The following BCAS1 variants were observed in gnomAD, a reference collection of about 807,000 sequenced individuals.
BCAS1 encodes the protein breast carcinoma-amplified sequence 1.
Under a neutral mutation model 65.4 loss-of-function variants are expected in BCAS1, and 46 were observed. That is an observed-to-expected ratio of 0.70 (90% CI 0.55 to 0.90). The LOEUF is 0.90. Among genes scored for constraint, BCAS1 ranks in the 40% least tolerant of loss-of-function variants. The pLI is 0.00. For missense variants in BCAS1, 793 were observed against 771.2 expected (o/e 1.03, Z -0.33); for synonymous variants, 298 against 293.5 (o/e 1.02, Z -0.16).
intron 9 of BCAS1, among the ~76,000 whole-genome samples, chr20:53,973,331 T>A (rs1228345770): frequency 1.2e-4 from 18 of 152,040 alleles, no homozygotes; most frequent in Non-Finnish European, 5.9e-5. Context: ...AGGCAATTTT[T>A]ATAATGCTTC....
chr20:53,973,923 G>A (rs945804502), intron 9 of BCAS1, among the ~76,000 whole-genome samples: 1 of 152,218 alleles, frequency 6.6e-6, no homozygotes, highest in African/African-American at 2.4e-5. Flanking sequence ...TGTCTAGCTA[G>A]AGAATTGTAA....
rs58378840 is a variant in BCAS1 at position 54,034,924 on chromosome 20, T to C, written c.143-5952A>G. 1.2e-3 allele frequency among the ~76,000 whole-genome samples: 179 copies of C among 151,316 alleles called. 4 individuals are homozygous for C. The East Asian group carries it at 0.03, about 25-fold the overall frequency. ...AGTAACCAAAACAGCATACTACTGG[T>C]ACAAAAACAGACACATAGACCAATG... On this transcript the variant is annotated intron_variant, in intron 3 of 12. Transcript: ENST00000688948.
chr20:54,070,234 A>AT (rs2092499188), intron 1 of BCAS1, among the ~76,000 whole-genome samples, 199 bp downstream of exon 1: 1 of 152,198 alleles, frequency 6.6e-6, no homozygotes, highest in Admixed American at 6.5e-5. Flanking sequence ...TAAAACTAAA[A>AT]ACTTTGAGAT....
intron 3 of BCAS1, among the ~76,000 whole-genome samples, chr20:54,030,537 G>T (rs1483386490): frequency 7.0e-6 from 1 of 141,866 alleles, no homozygotes; most frequent in Non-Finnish European, 1.6e-5. Context: ...GAAAAATAAA[G>T]GGAAGAATTG....
chr20:53,991,389 A>T (rs1251141455), intron 7 of BCAS1, among the ~76,000 whole-genome samples: 1 of 152,252 alleles, frequency 6.6e-6, no homozygotes, highest in Non-Finnish European at 1.5e-5. Flanking sequence ...ACGCAAATAC[A>T]GATTCAGCTG....
chr20:53,985,157 A>G (rs2090580031), intron 8 of BCAS1, 130 bp downstream of exon 8: 2 of 860,386 alleles, frequency 2.3e-6, no homozygotes, highest in Non-Finnish European at 3.7e-6. Context: ...ACTCAATGGG[A>G]AGCCGAGTCA....
chr20:54,052,066 T>C (rs1341828813), intron 3 of BCAS1, among the ~76,000 whole-genome samples: 1 of 152,210 alleles, frequency 6.6e-6, no homozygotes, highest in Non-Finnish European at 1.5e-5. Context: ...AAAAACTTCA[T>C]TGTACCTTAA....
At chr20:54,000,170 C>A (rs1600830120) in intron 4 of BCAS1, among the ~76,000 whole-genome samples, 1 of 152,184 alleles carries the variant, frequency 6.6e-6, no homozygotes, top group South Asian at 2.1e-4. Flanking sequence ...GGCTCCTCTT[C>A]CCCCTAAGGA....
chr20:53,975,275 C>G, intron 9 of BCAS1, 114 bp downstream of exon 9: 1 of 859,134 alleles, frequency 1.2e-6, no homozygotes, highest in Non-Finnish European at 1.9e-6. Context: ...CTACAACAAA[C>G]GAATCACACT....
chr20:54,040,365 CTTCAGTTGTTAGGA>C (rs1378340474), intron 3 of BCAS1, among the ~76,000 whole-genome samples: 2 of 151,226 alleles, frequency 1.3e-5, no homozygotes, highest in Non-Finnish European at 1.5e-5. Context: ...CTATCAGTGG[CTTCAGTTGTTAGGA>C]CACCACGGGT....
chr20:53,957,001 A>G (rs904936296), intron 11 of BCAS1, among the ~76,000 whole-genome samples: 1 of 152,224 alleles, frequency 6.6e-6, no homozygotes, highest in Non-Finnish European at 1.5e-5. Context: ...GAGAAATAGA[A>G]GAAGGAGACT....
intron 4 of BCAS1, among the ~76,000 whole-genome samples, chr20:54,006,027 T>C (rs139866558): frequency 0.018 from 2,803 of 152,216 alleles, 43 homozygotes; most frequent in Middle Eastern, 0.048. Flanking sequence ...TGGAAGGTGT[T>C]TGGGCTCAGG....
intron 8 of BCAS1, among the ~76,000 whole-genome samples, chr20:53,984,149 T>C (rs2090553840): frequency 6.6e-6 from 1 of 152,224 alleles, no homozygotes; most frequent in African/African-American, 2.4e-5. Context: ...TATGAATACA[T>C]GGTAATTATT....
intron 3 of BCAS1, among the ~76,000 whole-genome samples, chr20:54,054,459 A>G (rs1391194817): frequency 6.6e-6 from 1 of 152,204 alleles, no homozygotes; most frequent in African/African-American, 2.4e-5. Flanking sequence ...CTGAAGGACA[A>G]GAAAGGGTCA....
chr20:54,038,365 C>A (rs1435320724), intron 3 of BCAS1, among the ~76,000 whole-genome samples: 3 of 151,326 alleles, frequency 2.0e-5, no homozygotes, highest in African/African-American at 7.3e-5. Context: ...TCACTTGTTT[C>A]CTCTCCACGA....
rs777283721 is a variant in BCAS1, at chr20:54,058,165, G to A, written c.73-11C>T. 1.2e-5 allele frequency: 19 copies of A among 1,613,162 alleles called. No individual in the cohort carries two copies. In the African/African-American group the frequency reaches 2.3e-4, roughly 19 times the overall value. ...AGCAGACGCGTTGTCCTGAAACAGA[G>A]CACGTGGCATTGTGAGACAAATCTT... is the stretch of plus-strand genomic sequence containing the variant. On this transcript the variant is annotated splice_polypyrimidine_tract_variant and intron_variant, in intron 2 of 12. Transcript: ENST00000688948.
intron 4 of BCAS1, among the ~76,000 whole-genome samples, chr20:54,020,158 G>A (rs772080870): frequency 6.6e-6 from 1 of 152,092 alleles, no homozygotes; most frequent in African/African-American, 2.4e-5. Context: ...TGTGGGCATC[G>A]GTGACCAATT....
intron 6 of BCAS1, among the ~76,000 whole-genome samples, chr20:53,994,037 A>T (rs1295929353): frequency 2.0e-5 from 3 of 152,204 alleles, no homozygotes; most frequent in African/African-American, 4.8e-5. Flanking sequence ...TTGGGTTCAG[A>T]CAGATTAAGA....
chr20:54,054,239 T>C (rs1384028420), intron 3 of BCAS1, among the ~76,000 whole-genome samples: 1 of 152,150 alleles, frequency 6.6e-6, no homozygotes, highest in Non-Finnish European at 1.5e-5. Context: ...GAGATTTGGG[T>C]GGGGACAGAG....
Sources: gnomAD v4.1 joint callset for allele counts (sites outside exome capture counted in the v4.1 genomes callset) on GRCh38, gnomAD v4.1.1 for gene constraint, MANE v1.5 for transcripts, NCBI Gene and HGNC (gene_info 2026-07-23, HGNC 2026-07-21) for gene names.